CRLF3: variants seen among roughly 807,000 people sequenced by gnomAD.
CRLF3 encodes cytokine receptor-like factor 3.
A neutral mutation model predicts 55.0 loss-of-function variants in CRLF3; 33 were observed. The ratio of observed to expected loss-of-function variants is 0.60; its 90% CI spans 0.46 to 0.80. The LOEUF is 0.80. Ranked by LOEUF, CRLF3 falls within the 30% of genes least tolerant of loss-of-function variation. CRLF3 has a pLI of 0.00. For synonymous variants in CRLF3, 238 were observed against 196.8 expected (o/e 1.21, Z -1.75); for missense variants, 494 against 538.4 (o/e 0.92, Z 0.82).
chr17:30,810,493 C>T (rs999619144), intron 1 of CRLF3, among the ~76,000 whole-genome samples: 2 of 151,978 alleles, frequency 1.3e-5, no homozygotes, highest in Admixed American at 6.6e-5. Context: ...ACCCGGGAAG[C>T]GGAGGTTGCA....
chr17:30,784,736 G>T (rs113142883), intron 7 of CRLF3: 1 of 262,280 alleles, frequency 3.8e-6, no homozygotes, highest in Admixed American at 4.9e-5. Context: ...TTGTTCTACC[G>T]AATTCTTGAC....
intron 1 of CRLF3, among the ~76,000 whole-genome samples, chr17:30,816,159 G>A (rs939321873): frequency 6.6e-6 from 1 of 151,424 alleles, no homozygotes; most frequent in Admixed American, 6.6e-5. Flanking sequence ...GCATGCACCT[G>A]TAGTCCCAGC....
chr17:30,785,880 AATAT>A (rs763136813), intron 7 of CRLF3, 35 bp downstream of exon 7: 1 of 1,045,710 alleles, frequency 9.6e-7, no homozygotes, highest in Admixed American at 1.9e-5. Context: ...TAAAATAATT[AATAT>A]ATTTCCAAGA....
intron 6 of CRLF3, among the ~76,000 whole-genome samples, chr17:30,791,431 T>TCA (rs1808662759): frequency 6.6e-6 from 1 of 152,018 alleles, no homozygotes; most frequent in Non-Finnish European, 1.5e-5. Flanking sequence ...GGTCTCGAAC[T>TCA]CCTGACCACA....
At chr17:30,824,459 G>T in intron 1 of CRLF3, 64 bp downstream of exon 1, 1 of 1,491,816 alleles carries the variant, frequency 6.7e-7, no homozygotes, top group East Asian at 2.6e-5. Flanking sequence ...AGCCCTCCCA[G>T]CCTTCGCCCG....
rs1178444238 is a variant in CRLF3, at chr17:30,789,789, TATC to T, written c.959+2648_959+2650del. Among the ~76,000 whole-genome samples the T allele has an allele frequency of 3.3e-5, 5 of 152,194 alleles. No individual in the cohort carries two copies. The East Asian group carries it at 5.8e-4, about 18-fold the overall frequency. ...AAATATTAACTGCAATTATTATTAT[TATC>T]ATCATTATTGCAGTCTGAGATATCT... is the stretch of plus-strand genomic sequence containing the variant. On this transcript the variant is annotated intron_variant, in intron 6 of 7. Transcript: ENST00000324238.
intron 1 of CRLF3, among the ~76,000 whole-genome samples, chr17:30,806,834 T>C (rs750382410): frequency 6.6e-6 from 1 of 152,114 alleles, no homozygotes; most frequent in Non-Finnish European, 1.5e-5. Context: ...GACGAGATCT[T>C]GCTATGTTGC....
chr17:30,815,490 G>C (rs941002913), intron 1 of CRLF3, among the ~76,000 whole-genome samples: 1 of 150,354 alleles, frequency 6.7e-6, no homozygotes, highest in African/African-American at 2.5e-5. Context: ...CCAAAGTGCT[G>C]GTATTACAGG....
chr17:30,805,067 C>T (rs1427291741), intron 1 of CRLF3, among the ~76,000 whole-genome samples: 2 of 152,056 alleles, frequency 1.3e-5, no homozygotes, highest in Non-Finnish European at 2.9e-5. Flanking sequence ...CCTGTAATCC[C>T]AGCTACTTGC....
chr17:30,787,354 C>T (rs1253975918), intron 6 of CRLF3: 1 of 152,078 alleles, frequency 6.6e-6, no homozygotes, highest in Non-Finnish European at 1.5e-5. Flanking sequence ...TAAAAAATCC[C>T]ATTATGGTTA....
intron 1 of CRLF3, among the ~76,000 whole-genome samples, chr17:30,812,104 C>T (rs1191812928): frequency 4.0e-5 from 6 of 149,354 alleles, no homozygotes; most frequent in Admixed American, 6.7e-5. Context: ...AGCGAGACTC[C>T]GTCTAAAAAA....
chr17:30,792,717 G>A, intron 5 of CRLF3, 145 bp from the exon 6 acceptor site: 4 of 635,784 alleles, frequency 6.3e-6, no homozygotes, highest in South Asian at 2.7e-5. Flanking sequence ...CCATTAACAG[G>A]GTATCATGAT....
intron 6 of CRLF3, 50 bp downstream of exon 6, chr17:30,792,390 C>T (rs759015436): frequency 1.3e-6 from 2 of 1,550,690 alleles, no homozygotes; most frequent in South Asian, 2.3e-5. Context: ...ATGCTCTATG[C>T]ACTTCACTCT....
intron 6 of CRLF3, among the ~76,000 whole-genome samples, chr17:30,791,593 C>A (rs1161385061): frequency 2.0e-5 from 3 of 150,880 alleles, no homozygotes; most frequent in African/African-American, 7.3e-5. Context: ...TCTCGGCTCA[C>A]TGCAAGCTCC....
At chr17:30,789,824 A>G (rs1394622882) in intron 6 of CRLF3, among the ~76,000 whole-genome samples, 1 of 152,154 alleles carries the variant, frequency 6.6e-6, no homozygotes, top group East Asian at 1.9e-4. Flanking sequence ...ATCTGGCCTG[A>G]ATTTATCAAG....
chr17:30,789,385 T>G (rs993735132), intron 6 of CRLF3, among the ~76,000 whole-genome samples: 2 of 152,170 alleles, frequency 1.3e-5, no homozygotes, highest in African/African-American at 4.8e-5. Flanking sequence ...TATCAGACAT[T>G]ACCATGTGTC....
At chr17:30,824,417 C>T in intron 1 of CRLF3, 106 bp downstream of exon 1, 1 of 1,167,572 alleles carries the variant, frequency 8.6e-7, no homozygotes, top group Non-Finnish European at 1.1e-6. Context: ...CTCTTCCCTA[C>T]TCCAGAGTTT....
chr17:30,807,110 G>A (rs1026903150), intron 1 of CRLF3, among the ~76,000 whole-genome samples: 3 of 151,908 alleles, frequency 2.0e-5, no homozygotes, highest in Admixed American at 6.6e-5. Flanking sequence ...ATTTTCTCTC[G>A]CTTAATGGGA....
chr17:30,800,661 G>T (rs1366550137), intron 2 of CRLF3, among the ~76,000 whole-genome samples: 2 of 151,720 alleles, frequency 1.3e-5, no homozygotes, highest in Admixed American at 1.3e-4. Flanking sequence ...AAGAGACAGG[G>T]TCTTGCTCTG....
Sources: allele counts gnomAD v4.1 joint callset (sites outside exome capture counted in the v4.1 genomes callset), GRCh38; gene constraint gnomAD v4.1.1; transcripts MANE v1.5; gene names NCBI Gene and HGNC (gene_info 2026-07-23, HGNC 2026-07-21).